The following RPS6KA2 variants were observed in gnomAD, a reference collection of about 807,000 sequenced individuals.
RPS6KA2 encodes the protein ribosomal protein S6 kinase A2, also known as ribosomal protein S6 kinase alpha-2.
In RPS6KA2, 42 loss-of-function variants were observed where a neutral mutation model predicts 91.8. That is an observed-to-expected ratio of 0.46 (90% CI 0.36 to 0.59). The LOEUF (loss-of-function observed/expected upper bound fraction) is 0.59, where lower values mean the gene tolerates loss of function less well. RPS6KA2 is among the 20% of genes least tolerant of loss of function. The pLI is 0.00. For synonymous variants in RPS6KA2, 414 were observed against 393.6 expected (o/e 1.05, Z -0.61); for missense variants, 798 against 978.5 (o/e 0.82, Z 2.46).
rs1790343905 is a variant in RPS6KA2, at chr6:166,726,522, A to C, written c.123+131678T>G. On this transcript the variant is annotated intron_variant, in intron 2 of 21. Coordinates refer to the RPS6KA2 transcript ENST00000503859. The surrounding 1 kb of genome is among the most constrained non-coding windows in gnomAD (Gnocchi z 4.4). ...GAAGGGAAATGAAAGAAGGACATGC[A>C]TCCTGCCGCCCATGTCAGACACACG... Among the ~76,000 whole-genome samples, 2 of 152,242 alleles carry C rather than the reference A, an allele frequency of 1.3e-5. No homozygotes were observed. Among genetic ancestry groups the C allele is most frequent in the Admixed American group, 6.5e-5 (1 of 15,288 alleles).
intron 2 of RPS6KA2, among the ~76,000 whole-genome samples, chr6:166,771,653 T>C (rs1426105482): frequency 6.6e-6 from 1 of 152,210 alleles, no homozygotes; most frequent in Non-Finnish European, 1.5e-5. Flanking sequence ...CCTTGGCTCA[T>C]ACCCACTGAA....
At chr6:166,734,116 C>A (rs114767493) in intron 2 of RPS6KA2, among the ~76,000 whole-genome samples, 2 of 152,192 alleles carry the variant, frequency 1.3e-5, no homozygotes, top group African/African-American at 4.8e-5. Flanking sequence ...TTGGGACAGG[C>A]CCTGAGGGGA....
chr6:166,841,113 T>C (rs912612105), intron 2 of RPS6KA2, among the ~76,000 whole-genome samples: 1 of 148,562 alleles, frequency 6.7e-6, no homozygotes, highest in African/African-American at 2.5e-5. Context: ...AAACCCTGTC[T>C]CTACAAAAAA....
chr6:166,531,659 C>G (rs1352344258), intron 2 of RPS6KA2, among the ~76,000 whole-genome samples: 1 of 152,134 alleles, frequency 6.6e-6, no homozygotes, highest in African/African-American at 2.4e-5. Flanking sequence ...GTTTGAGTAT[C>G]CCTCTGTAAA....
chr6:166,706,175 C>T (rs1328384797), intron 2 of RPS6KA2, among the ~76,000 whole-genome samples: 26 of 152,192 alleles, frequency 1.7e-4, no homozygotes, highest in Admixed American at 1.7e-3. Context: ...GACTAACACA[C>T]CTGCAATAAC....
intron 2 of RPS6KA2, among the ~76,000 whole-genome samples, chr6:166,842,430 G>A (rs895879987): frequency 6.6e-6 from 1 of 152,188 alleles, no homozygotes; most frequent in African/African-American, 2.4e-5. Context: ...AAGCACAGAG[G>A]ACAGGGAGAG....
At chr6:166,454,343 C>G (rs182331998) in intron 12 of RPS6KA2, among the ~76,000 whole-genome samples, 108 of 152,170 alleles carry the variant, frequency 7.1e-4, no homozygotes, top group African/African-American at 2.6e-3. Context: ...ATTAAAAATA[C>G]AAAAATTAGC....
In RPS6KA2 at chr6:166,432,506, C is replaced by T. The variant is rs759505109; in HGVS notation, c.1333-16G>A. On this transcript the variant is annotated splice_polypyrimidine_tract_variant and intron_variant, in intron 14 of 20. Coordinates refer to ENST00000265678, the MANE Select transcript of RPS6KA2 (RefSeq NM_021135.6). The stretch of plus-strand genomic sequence containing the variant: ...TATCAATGATCTGGAACAAACACAG[C>T]ACATGGCAGTGAGGGGTCTACTTTA... The T allele has an allele frequency of 1.9e-6, 3 of 1,547,976 alleles. No individual in the cohort carries two copies. Among genetic ancestry groups the T allele is most frequent in the Non-Finnish European group, 2.7e-6 (3 of 1,120,458 alleles).
intron 2 of RPS6KA2, among the ~76,000 whole-genome samples, chr6:166,713,110 A>G (rs1789914439): frequency 6.6e-6 from 1 of 152,184 alleles, no homozygotes. Context: ...ATGAGCTTCC[A>G]TGACCTCCTC....
chr6:166,538,527 C>T (rs1003635854), intron 2 of RPS6KA2, 141 bp downstream of exon 2: 6 of 525,820 alleles, frequency 1.1e-5, no homozygotes, highest in Non-Finnish European at 1.8e-5. Flanking sequence ...CAAAGTGAGA[C>T]CCCGGTTCTG....
intron 2 of RPS6KA2, among the ~76,000 whole-genome samples, chr6:166,793,663 A>C (rs1323804714): frequency 8.5e-5 from 13 of 152,114 alleles, no homozygotes; most frequent in African/African-American, 2.2e-4. Flanking sequence ...GAGATACAGA[A>C]CAATGGAACA....
At position 166,409,829 on chromosome 6, in the gene RPS6KA2, C is replaced by T. The variant is rs1021452587; in HGVS notation, c.*2933G>A. 1 of 152,624 alleles carries T rather than the reference C, an allele frequency of 6.6e-6. No homozygotes were observed. Among genetic ancestry groups the T allele is most frequent in the Non-Finnish European group, 1.5e-5 (1 of 68,040 alleles). 9.5% of individuals were successfully genotyped at this position (152,624 alleles called of 1,614,324 possible). ...AATCCCAAGTGCAGCTTTAGGATAA[C>T]ACCATTTAATGAACAATACTGGATA... On this transcript the variant is annotated 3_prime_UTR_variant, in exon 21 of 21. Transcript: ENST00000265678.
intron 2 of RPS6KA2, among the ~76,000 whole-genome samples, chr6:166,642,084 A>G (rs902243208): frequency 6.6e-6 from 1 of 152,124 alleles, no homozygotes; most frequent in Non-Finnish European, 1.5e-5. Flanking sequence ...TGAAAAGAAA[A>G]TGATACCTAA....
In RPS6KA2 at chr6:166,603,970, T is replaced by A. The variant is rs1287256026; in HGVS notation, c.99+22951A>T. Among the ~76,000 whole-genome samples, 2 of 152,166 alleles carry A rather than the reference T, an allele frequency of 1.3e-5. No individual in the cohort carries two copies. Among genetic ancestry groups the A allele is most frequent in the Non-Finnish European group, 2.9e-5 (2 of 68,022 alleles). On this transcript the variant is annotated intron_variant, in intron 1 of 20. Transcript: ENST00000265678. The surrounding 1 kb of genome is among the most constrained non-coding windows in gnomAD (Gnocchi z 4.3). ...AGAACTTCTCCAACTCGTCCTAACG[T>A]GTCCCTCCTAGAAGTCACGAAGAGA...
intron 1 of RPS6KA2, among the ~76,000 whole-genome samples, chr6:166,567,923 C>T (rs1340221888): frequency 6.6e-6 from 1 of 152,220 alleles, no homozygotes; most frequent in East Asian, 1.9e-4. Flanking sequence ...AAAGCCAGCT[C>T]ACCTGGGGAA....
intron 2 of RPS6KA2, among the ~76,000 whole-genome samples, chr6:166,641,545 G>A (rs552906256): frequency 1.2e-3 from 175 of 151,230 alleles, no homozygotes; most frequent in Non-Finnish European, 2.0e-3. Context: ...CCAACATGGC[G>A]AAACCCCATC....
intron 2 of RPS6KA2, among the ~76,000 whole-genome samples, chr6:166,775,795 C>T (rs689302): frequency 0.49 from 73,971 of 152,158 alleles, 21,279 homozygotes; most frequent in African/African-American, 0.81. Context: ...GACCCACATG[C>T]CTGAGCTCTG....
chr6:166,466,887 T>C (rs926478500), intron 11 of RPS6KA2, among the ~76,000 whole-genome samples: 7 of 149,032 alleles, frequency 4.7e-5, no homozygotes, highest in South Asian at 2.1e-4. Context: ...CACTCACTCA[T>C]TCACTCACTC....
intron 2 of RPS6KA2, among the ~76,000 whole-genome samples, chr6:166,647,511 T>C (rs1787644954): frequency 6.6e-6 from 1 of 152,212 alleles, no homozygotes; most frequent in Non-Finnish European, 1.5e-5. Flanking sequence ...CCGTCAATAA[T>C]TTCCTGTACT....
Sources: gnomAD v4.1 joint callset for allele counts (sites outside exome capture counted in the v4.1 genomes callset) on GRCh38, gnomAD v4.1.1 for gene constraint, Gnocchi (gnomAD v3.1) non-coding constraint, MANE v1.5 for transcripts, NCBI Gene and HGNC (gene_info 2026-07-23, HGNC 2026-07-21) for gene names.